Variants in CFAP20DC observed in about 807,000 individuals in gnomAD.
CFAP20DC encodes CFAP20 domain containing, also known as protein CFAP20DC.
Under a neutral mutation model 101.7 loss-of-function variants are expected in CFAP20DC, and 84 were observed. The observed-to-expected ratio is 0.83, with a 90% CI of 0.69 to 0.99. CFAP20DC has a LOEUF of 0.99. Among genes scored for constraint, CFAP20DC ranks in the 50% least tolerant of loss-of-function variants. The pLI is 0.00. For missense variants in CFAP20DC, 1,007 were observed against 970.3 expected (o/e 1.04, Z -0.50); for synonymous variants, 359 against 351.2 (o/e 1.02, Z -0.25).
At chr3:58,918,375 G>GTCAC (rs2084966052) in intron 5 of CFAP20DC, among the ~76,000 whole-genome samples, 1 of 152,048 alleles carries the variant, frequency 6.6e-6, no homozygotes. Flanking sequence ...GGTCATTCCT[G>GTCAC]TCACTCCTAC....
chr3:58,751,265 A>G (rs945861354), intron 16 of CFAP20DC, among the ~76,000 whole-genome samples: 1 of 152,240 alleles, frequency 6.6e-6, no homozygotes, highest in Non-Finnish European at 1.5e-5. Flanking sequence ...AGAAACTGTT[A>G]AAAGGCATGC....
At chr3:58,779,897 C>A (rs144159806) in intron 15 of CFAP20DC, among the ~76,000 whole-genome samples, 154 of 152,164 alleles carry the variant, frequency 1.0e-3, no homozygotes, top group African/African-American at 3.5e-3. Context: ...GCTCTTCTCC[C>A]TGGCACAGTA....
chr3:58,961,942 G>C (rs1559904659), intron 4 of CFAP20DC, among the ~76,000 whole-genome samples: 1 of 152,050 alleles, frequency 6.6e-6, no homozygotes, highest in East Asian at 1.9e-4. Context: ...CAAAAGGTTT[G>C]TAAGTTTTGT....
At chr3:58,870,038 T>C in intron 8 of CFAP20DC, 135 bp downstream of exon 8, 4 of 777,886 alleles carry the variant, frequency 5.1e-6, no homozygotes, top group Non-Finnish European at 8.0e-6. Context: ...TCAAGCCTTC[T>C]GCTTTTGGCA....
At chr3:58,939,327 A>G (rs868849052) in intron 4 of CFAP20DC, among the ~76,000 whole-genome samples, 5 of 152,336 alleles carry the variant, frequency 3.3e-5, no homozygotes, top group Middle Eastern at 6.8e-3. Flanking sequence ...ATAAAAGGAA[A>G]GACTACTGGG....
intron 4 of CFAP20DC, among the ~76,000 whole-genome samples, chr3:58,943,680 C>T (rs1046195105): frequency 6.6e-6 from 1 of 152,134 alleles, no homozygotes; most frequent in African/African-American, 2.4e-5. Flanking sequence ...CAAAGGATCA[C>T]AACTCCTCGC....
At chr3:58,796,970 C>A in intron 15 of CFAP20DC, among the ~76,000 whole-genome samples, 1 of 152,102 alleles carries the variant, frequency 6.6e-6, no homozygotes, top group East Asian at 1.9e-4. Flanking sequence ...TTAGTAAATG[C>A]GGTTTGTATT....
chr3:58,950,090 A>G (rs1231121462), intron 4 of CFAP20DC, among the ~76,000 whole-genome samples: 3 of 152,212 alleles, frequency 2.0e-5, no homozygotes, highest in Non-Finnish European at 4.4e-5. Flanking sequence ...ATACAAAATC[A>G]ATGTGCAAAA....
At chr3:58,783,910 T>C (rs970646073) in intron 15 of CFAP20DC, among the ~76,000 whole-genome samples, 2 of 152,180 alleles carry the variant, frequency 1.3e-5, no homozygotes, top group Non-Finnish European at 2.9e-5. Flanking sequence ...TATGTGGGTA[T>C]ATTGTGTGAT....
At chr3:58,855,313 C>T (rs1250364799) in intron 12 of CFAP20DC, among the ~76,000 whole-genome samples, 3 of 152,074 alleles carry the variant, frequency 2.0e-5, no homozygotes, top group Admixed American at 6.6e-5. Context: ...GTTAGAATGG[C>T]GATCATTAAA....
At chr3:58,957,859 G>A (rs559340967) in intron 4 of CFAP20DC, among the ~76,000 whole-genome samples, 30 of 152,160 alleles carry the variant, frequency 2.0e-4, no homozygotes, top group African/African-American at 3.9e-4. Flanking sequence ...GAAGTGTAGC[G>A]GGCAGGTGGT....
chr3:58,845,848 G>A (rs1309092041), intron 13 of CFAP20DC, among the ~76,000 whole-genome samples: 1 of 150,840 alleles, frequency 6.6e-6, no homozygotes, highest in African/African-American at 2.4e-5. Context: ...GGGTTGCAAG[G>A]CTGGTTCAAT....
At chr3:58,792,289 G>A (rs545203936) in intron 15 of CFAP20DC, among the ~76,000 whole-genome samples, 7 of 152,160 alleles carry the variant, frequency 4.6e-5, no homozygotes, top group African/African-American at 1.2e-4. Flanking sequence ...ATTTATTTGC[G>A]TTTGGGCTAG....
intron 5 of CFAP20DC, among the ~76,000 whole-genome samples, chr3:58,936,315 C>T (rs2087599576): frequency 6.6e-6 from 1 of 152,112 alleles, no homozygotes; most frequent in Non-Finnish European, 1.5e-5. Context: ...AACAATTTTA[C>T]ACTGTTGCTG....
Position 58,899,078 on chromosome 3 carries a change from G to A in CFAP20DC, c.551-14369C>T, listed in dbSNP as rs2082917022. Among the ~76,000 whole-genome samples the A allele has an allele frequency of 6.6e-6, 1 of 152,142 alleles. No individual in the cohort carries two copies. The highest frequency in any genetic ancestry group is 2.1e-4 in the South Asian group (1 of 4,832). On this transcript the variant is annotated intron_variant, in intron 6 of 16. Transcript: ENST00000482387. The surrounding 1 kb of genome is among the most constrained non-coding windows in gnomAD (Gnocchi z 5.0). ...TCTTTCCTCTGGAATCTCCATCCCAGGGGGGTACTGACCTGTTGCCAGCCT... is the reference window on the plus strand; with the variant it reads ...TCTTTCCTCTGGAATCTCCATCCCAAGGGGGTACTGACCTGTTGCCAGCCT...
intron 15 of CFAP20DC, among the ~76,000 whole-genome samples, chr3:58,778,903 C>T (rs1036909517): frequency 2.6e-5 from 4 of 152,198 alleles, no homozygotes; most frequent in Admixed American, 6.5e-5. Context: ...CTACTGCATG[C>T]ACCCAGAATC....
At chr3:58,808,321 C>G (rs952977731) in intron 14 of CFAP20DC, among the ~76,000 whole-genome samples, 1 of 152,144 alleles carries the variant, frequency 6.6e-6, no homozygotes, top group Non-Finnish European at 1.5e-5. Context: ...AGAGAAAGGT[C>G]GGGGTACCCA....
At chr3:58,940,132 C>G (rs918485718) in intron 4 of CFAP20DC, among the ~76,000 whole-genome samples, 1 of 152,160 alleles carries the variant, frequency 6.6e-6, no homozygotes, top group African/African-American at 2.4e-5. Flanking sequence ...ATTGAGTATA[C>G]TATCACTTCA....
intron 5 of CFAP20DC, among the ~76,000 whole-genome samples, chr3:58,924,121 T>C (rs1026878683): frequency 6.6e-6 from 1 of 152,156 alleles, no homozygotes. Context: ...CACATCCAGA[T>C]TTGTTACATG....
Sources: allele counts gnomAD v4.1 joint callset (sites outside exome capture counted in the v4.1 genomes callset), GRCh38; gene constraint gnomAD v4.1.1; non-coding constraint Gnocchi (gnomAD v3.1); transcripts MANE v1.5; gene names NCBI Gene and HGNC (gene_info 2026-07-23, HGNC 2026-07-21).